Variants in FAT3 observed in about 807,000 individuals in gnomAD.
The protein encoded by FAT3 is protocadherin Fat 3.
FAT3 carries 95 observed loss-of-function variants against 310.2 expected under a neutral mutation model. The ratio of observed to expected loss-of-function variants is 0.31; its 90% confidence interval spans 0.26 to 0.36. The LOEUF is 0.36. Among genes scored for constraint, FAT3 ranks in the 10% least tolerant of loss-of-function variants. The pLI is 1.00. For synonymous variants in FAT3, 2,314 were observed against 2,192.9 expected (o/e 1.06, Z -1.54); for missense variants, 5,408 against 5,715.6 (o/e 0.95, Z 1.74).
At chr11:92,346,600 A>G (rs986489562) in intron 1 of FAT3, among the ~76,000 whole-genome samples, 9 of 152,070 alleles carry the variant, frequency 5.9e-5, no homozygotes, top group African/African-American at 1.9e-4. Flanking sequence ...CTTAATAATT[A>G]TGTCAGTTAA....
chr11:92,618,841 CT>C (rs1940945987), intron 3 of FAT3, among the ~76,000 whole-genome samples: 1 of 148,066 alleles, frequency 6.8e-6, no homozygotes, highest in Admixed American at 6.7e-5. Flanking sequence ...TTTTCTTTTT[CT>C]TATTTAATTG....
At chr11:92,375,559 C>T (rs967406158) in intron 2 of FAT3, among the ~76,000 whole-genome samples, 4 of 152,018 alleles carry the variant, frequency 2.6e-5, no homozygotes, top group Non-Finnish European at 5.9e-5. Context: ...TAGTCAGTGG[C>T]ACAACTGACC....
intron 3 of FAT3, among the ~76,000 whole-genome samples, chr11:92,636,642 T>G (rs1159907909): frequency 6.6e-6 from 1 of 152,244 alleles, no homozygotes; most frequent in Non-Finnish European, 1.5e-5. Flanking sequence ...GCAAGATTCA[T>G]GACAGCTATT....
At chr11:92,597,336 A>T (rs997756625) in intron 3 of FAT3, among the ~76,000 whole-genome samples, 1 of 152,208 alleles carries the variant, frequency 6.6e-6, no homozygotes, top group African/African-American at 2.4e-5. Flanking sequence ...GGACATCATT[A>T]TTCTTGATTC....
chr11:92,308,855 TAAA>T (rs533143417), intron 1 of FAT3, among the ~76,000 whole-genome samples: 1 of 148,782 alleles, frequency 6.7e-6, no homozygotes, highest in African/African-American at 2.5e-5. Context: ...ACAAAGGAAA[TAAA>T]AAAAAAATAG....
intron 9 of FAT3, 47 bp from the exon 10 acceptor site, chr11:92,797,789 C>T (rs780204586): frequency 3.2e-5 from 48 of 1,523,110 alleles, no homozygotes; most frequent in Non-Finnish European, 4.1e-5. Context: ...AAAAAGATTT[C>T]AGTGACCCAC....
chr11:92,531,625 C>A (rs1954076155), intron 3 of FAT3, among the ~76,000 whole-genome samples: 1 of 152,160 alleles, frequency 6.6e-6, no homozygotes, highest in South Asian at 2.1e-4. Context: ...TCATGTCTTG[C>A]TAACCCACTG....
At chr11:92,803,463 G>A (rs566416019) in intron 10 of FAT3, among the ~76,000 whole-genome samples, 1 of 152,322 alleles carries the variant, frequency 6.6e-6, no homozygotes, top group Middle Eastern at 3.4e-3. Context: ...TTAATAGAGA[G>A]GTTAAGTTTG....
At chr11:92,888,222 C>G (rs558601034) in intron 25 of FAT3, among the ~76,000 whole-genome samples, 1 of 152,290 alleles carries the variant, frequency 6.6e-6, no homozygotes, top group Admixed American at 6.5e-5. Context: ...AACAAATCAC[C>G]TAACAGTGGA....
At position 92,767,859 on chromosome 11, in the gene FAT3, G is replaced by A. The variant is rs72962465; in HGVS notation, c.4195+2770G>A. On this transcript the variant is annotated intron_variant, in intron 6 of 27. Coordinates refer to ENST00000525166, the MANE Select transcript of FAT3 (RefSeq NM_001367949.2). ...GGAATAAACTATGGTGAATGATGGA[G>A]ATACCCCAGGCAGCCACTATGCTAA... Among the ~76,000 whole-genome samples the A allele has an allele frequency of 6.4e-3, 981 of 152,222 alleles. 3 individuals carry two copies. Among genetic ancestry groups the A allele is most frequent in the Non-Finnish European group, 0.011 (737 of 68,012 alleles).
chr11:92,581,723 CGT>C lies in FAT3; in HGVS notation c.3607+56786_3607+56787del, dbSNP rs201781086. 6.6e-3 allele frequency among the ~76,000 whole-genome samples: 1,008 copies of C among 151,826 alleles called. 8 individuals are homozygous for C. Among genetic ancestry groups the C allele is most frequent in the Middle Eastern group, 0.024 (7 of 292 alleles). On this transcript the variant is annotated intron_variant, in intron 3 of 27. Transcript: ENST00000525166. ...TGCTCAGAAAATACATACATATACA[CGT>C]GTGTGTGTGTATGTATACATACACA... is the stretch of plus-strand genomic sequence containing the variant.
At chr11:92,671,528 C>G (rs1943127852) in intron 3 of FAT3, among the ~76,000 whole-genome samples, 2 of 151,992 alleles carry the variant, frequency 1.3e-5, no homozygotes, top group Admixed American at 1.3e-4. Flanking sequence ...TCCCAGGACT[C>G]ACCTTTAAGG....
At chr11:92,516,323 G>C (rs1435785511) in intron 2 of FAT3, among the ~76,000 whole-genome samples, 1 of 152,096 alleles carries the variant, frequency 6.6e-6, no homozygotes, top group East Asian at 1.9e-4. Flanking sequence ...GGGATGCAAG[G>C]CTGGTTCAAC....
chr11:92,687,391 A>G (rs1204434316), intron 3 of FAT3, among the ~76,000 whole-genome samples: 1 of 152,222 alleles, frequency 6.6e-6, no homozygotes, highest in Non-Finnish European at 1.5e-5. Flanking sequence ...CGTTAATCTT[A>G]AATGGAGATT....
intron 12 of FAT3, among the ~76,000 whole-genome samples, chr11:92,808,875 G>A (rs560111359): frequency 5.9e-5 from 9 of 152,042 alleles, no homozygotes; most frequent in South Asian, 2.1e-4. Context: ...GCAGTGAGCC[G>A]AGATCATGCC....
At chr11:92,538,099 T>A (rs1954319513) in intron 3 of FAT3, among the ~76,000 whole-genome samples, 1 of 152,184 alleles carries the variant, frequency 6.6e-6, no homozygotes, top group Non-Finnish European at 1.5e-5. Flanking sequence ...TTAAGCCCTG[T>A]CTCTCTTTAT....
At chr11:92,421,451 T>G (rs1291227284) in intron 2 of FAT3, among the ~76,000 whole-genome samples, 3 of 152,208 alleles carry the variant, frequency 2.0e-5, no homozygotes, top group African/African-American at 7.2e-5. Context: ...TGCAGTGATC[T>G]AAGCTTGCAT....
chr11:92,543,545 A>G lies in FAT3; in HGVS notation c.3607+18597A>G, dbSNP rs568184913. Among the ~76,000 whole-genome samples the G allele has an allele frequency of 7.9e-5, 12 of 152,298 alleles. No individual in the cohort carries two copies. The South Asian group carries it at 2.3e-3, about 29-fold the overall frequency. On this transcript the variant is annotated intron_variant, in intron 3 of 27. Transcript: ENST00000525166. Reference sequence around the variant, plus strand: ...GATCCTTTATTTTTGATGGCAGCCAATCATTGTTTTAATAGTTAAAGGGAG... The same window carrying G: ...GATCCTTTATTTTTGATGGCAGCCAGTCATTGTTTTAATAGTTAAAGGGAG...
intron 1 of FAT3, among the ~76,000 whole-genome samples, chr11:92,262,871 G>A (rs6483171): frequency 0.28 from 42,294 of 151,930 alleles, 6,577 homozygotes; most frequent in African/African-American, 0.41. Context: ...TGCCAGTGCT[G>A]TCATATAAAT....
Sources: gnomAD v4.1 joint callset for allele counts (sites outside exome capture counted in the v4.1 genomes callset) on GRCh38, gnomAD v4.1.1 for gene constraint, MANE v1.5 for transcripts, NCBI Gene and HGNC (gene_info 2026-07-23, HGNC 2026-07-21) for gene names.